Variants in PIK3C2B observed in about 807,000 individuals in gnomAD.
PIK3C2B encodes the protein phosphatidylinositol-4-phosphate 3-kinase catalytic subunit type 2 beta.
Under a neutral mutation model 184.3 loss-of-function variants are expected in PIK3C2B, and 83 were observed. The ratio of observed to expected loss-of-function variants is 0.45; its 90% CI spans 0.38 to 0.54. The LOEUF (loss-of-function observed/expected upper bound fraction) is 0.54, where lower values mean the gene tolerates loss of function less well. Ranked by LOEUF, PIK3C2B falls within the 20% of genes least tolerant of loss-of-function variation. The pLI is 0.00. For missense variants in PIK3C2B, 1,736 were observed against 2,113.5 expected, an observed-to-expected ratio of 0.82 and a Z score of 3.50; for synonymous variants, 779 against 837.6, an observed-to-expected ratio of 0.93 and a Z score of 1.21.
At chr1:204,473,452 A>T (rs1353045469) in intron 1 of PIK3C2B, among the ~76,000 whole-genome samples, 3 of 151,938 alleles carry the variant, frequency 2.0e-5, no homozygotes, top group African/African-American at 7.3e-5. Flanking sequence ...GAGTAGCATA[A>T]GCAGATGGAG....
intron 7 of PIK3C2B, 54 bp downstream of exon 7, chr1:204,460,270 G>A (rs907380190): frequency 1.4e-6 from 2 of 1,392,290 alleles, no homozygotes; most frequent in Admixed American, 1.7e-5. Context: ...ACATCTGATG[G>A]GATCCCTGCA....
chr1:204,469,497 C>T lies in PIK3C2B; in HGVS notation c.306G>A (p.Pro102=), dbSNP rs942009890. Residue 102 remains proline, a synonymous_variant, in exon 2 of 33, where the codon CCG becomes CCA. Transcript: ENST00000684373. ...GCCCTTGGGAGGTAGAGTGGTTGGG[C>T]GGCCCTTCCTGTGGGGAGAGTGAGT... The part of the protein sequence containing the change: ...NYNSLSPQEG[P]PNHSTSQGPQ... The T allele has an allele frequency of 5.6e-6, 9 of 1,607,300 alleles. No individual in the cohort carries two copies. The highest frequency in any genetic ancestry group is 1.1e-5 in the South Asian group (1 of 89,782).
Position 204,464,049 on chromosome 1 carries a change from CA to C in PIK3C2B, c.1272del (p.Phe424LeufsTer3). On this transcript the variant is annotated frameshift_variant, in exon 5 of 33. Transcript: ENST00000684373. LOFTEE classifies it high-confidence loss of function. ...DDLRNVDVGDFVLKPCGLEEF... is the reference protein window; with the variant it reads ...DDLRNVDVGDXVLKPCGLEEF... ...TCCTCCAGCCCGCAGGGCTTTAGCACAAAGTCACCCACGTCCACATTCCTCA... is the reference window on the plus strand; with the variant it reads ...TCCTCCAGCCCGCAGGGCTTTAGCACAAGTCACCCACGTCCACATTCCTCA... 6.2e-7 allele frequency: 1 copy of C among 1,614,200 alleles called. No individual in the cohort carries two copies.
chr1:204,439,394 A>T (rs1236795864), intron 22 of PIK3C2B, among the ~76,000 whole-genome samples: 1 of 152,194 alleles, frequency 6.6e-6, no homozygotes, highest in African/African-American at 2.4e-5. Flanking sequence ...CAGCTTCAAA[A>T]ATTGTCAACA....
intron 2 of PIK3C2B, among the ~76,000 whole-genome samples, chr1:204,468,592 C>T (rs1031124888): frequency 5.9e-5 from 9 of 152,208 alleles, no homozygotes; most frequent in African/African-American, 1.2e-4. Flanking sequence ...AGCAGGCACA[C>T]GCTAGGAACC....
chr1:204,437,325 T>C (rs1675402568), intron 23 of PIK3C2B, among the ~76,000 whole-genome samples: 1 of 152,028 alleles, frequency 6.6e-6, no homozygotes, highest in Admixed American at 6.6e-5. Context: ...TGAAACCCCT[T>C]CTCTACTAAA....
At position 204,432,353 on chromosome 1, in the gene PIK3C2B, G is replaced by T; in HGVS notation, c.4002C>A (p.Phe1334Leu). 5 of 1,614,104 alleles carry T rather than the reference G, an allele frequency of 3.1e-6. No homozygotes were observed. The highest frequency in any genetic ancestry group is 4.2e-6 in the Non-Finnish European group (5 of 1,180,008). Reference sequence around the variant, plus strand: ...ACTTCATCTGAGCCAGATTATGGATGAAAAAATTGAGCTTTGTGGCTACAC... The same window carrying T: ...ACTTCATCTGAGCCAGATTATGGATTAAAAAATTGAGCTTTGTGGCTACAC... ...LGSVATKLNFFIHNLAQMKFT... is the reference protein window; with the variant it reads ...LGSVATKLNFLIHNLAQMKFT... The change falls in exon 27 of 33, where the codon TTC becomes TTA. Residue 1334 changes from phenylalanine to leucine, a missense_variant. This residue lies in a region of PIK3C2B where 119 missense variants were observed against 179.3 expected (regional missense o/e 0.66). Coordinates refer to ENST00000684373, the MANE Select transcript of PIK3C2B (RefSeq NM_001377334.1).
At chr1:204,463,948 C>A in intron 5 of PIK3C2B, 64 bp downstream of exon 5, 1 of 1,559,998 alleles carries the variant, frequency 6.4e-7, no homozygotes, top group South Asian at 1.2e-5. Context: ...GCACCAATCC[C>A]ATGAAGCCCC....
intron 23 of PIK3C2B, among the ~76,000 whole-genome samples, chr1:204,437,742 G>GAA (rs1178966382): frequency 6.6e-6 from 1 of 152,228 alleles, no homozygotes; most frequent in African/African-American, 2.4e-5. Flanking sequence ...TAAATGCACA[G>GAA]AAAGAGTCAC....
Position 204,433,595 on chromosome 1 carries a change from A to G in PIK3C2B, c.3844-170T>C, listed in dbSNP as rs1675187608. Among the ~76,000 whole-genome samples the G allele has an allele frequency of 6.6e-6, 1 of 152,168 alleles. No individual in the cohort carries two copies. The highest frequency in any genetic ancestry group is 2.4e-5 in the African/African-American group (1 of 41,444). On this transcript the variant is annotated intron_variant, in intron 25 of 32. Transcript: ENST00000684373. This position sits in a 1 kb window ranked among gnomAD's most constrained non-coding sequence, Gnocchi z 5.0. ...AGGGCCACAGGAACTGAAGGGCTGG[A>G]GCAGGGAGTCAGGCACCTACACAGA...
chr1:204,434,101 T>C (rs771733702), intron 24 of PIK3C2B, 152 bp from the exon 25 acceptor site: 4 of 659,360 alleles, frequency 6.1e-6, no homozygotes, highest in Non-Finnish European at 1.1e-5. Flanking sequence ...CTTTCCTACC[T>C]TAATCTTAAA....
intron 8 of PIK3C2B, 91 bp downstream of exon 8, chr1:204,459,787 C>A: frequency 9.3e-7 from 1 of 1,078,710 alleles, no homozygotes; most frequent in Non-Finnish European, 1.4e-6. Context: ...CCACCCAGAC[C>A]CCTCATAGTG....
At chr1:204,465,409 T>A in intron 2 of PIK3C2B, 90 bp from the exon 3 acceptor site, 2 of 768,174 alleles carry the variant, frequency 2.6e-6, no homozygotes, top group Non-Finnish European at 4.6e-6. Context: ...AAACTCTAGA[T>A]GAAAAGACTT....
intron 2 of PIK3C2B, among the ~76,000 whole-genome samples, chr1:204,468,401 G>T (rs955885717): frequency 1.4e-4 from 22 of 152,104 alleles, no homozygotes; most frequent in African/African-American, 5.3e-4. Context: ...TCTGGACCAG[G>T]GTCTGGCATT....
At position 204,424,176 on chromosome 1, in the gene PIK3C2B, G is replaced by C. The variant is rs1674626256; in HGVS notation, c.*676C>G. On this transcript the variant is annotated 3_prime_UTR_variant, in exon 33 of 33. Transcript: ENST00000684373. ...AGGTATCACAGCGCTCTCCTTTGGA[G>C]GCAAAATCAGAAAGGCCCAGTGGCA... The C allele has an allele frequency of 6.3e-6, 1 of 159,116 alleles. No homozygotes were observed. Among genetic ancestry groups the C allele is most frequent in the Non-Finnish European group, 1.4e-5 (1 of 71,948 alleles). 9.9% of individuals were successfully genotyped at this position (159,116 alleles called of 1,614,324 possible).
Position 204,438,944 on chromosome 1 carries a change from C to T in PIK3C2B, c.3507G>A (p.Glu1169=), listed in dbSNP as rs1253070695. 4.3e-6 allele frequency: 7 copies of T among 1,613,688 alleles called. No homozygotes were observed. The highest frequency in any genetic ancestry group is 5.1e-6 in the Non-Finnish European group (6 of 1,180,010). ...WLQKHNPGED[E]YEKAVENFIY... is the part of the protein sequence containing the mutation. ...CCACCCACAACCCTACCTTCTCATA[C>T]TCGTCCTCCCCAGGGTTGTGTTTCT... Residue 1169 remains glutamate, a synonymous_variant, in exon 23 of 33, where the codon GAG becomes GAA. Transcript: ENST00000684373.
Position 204,456,892 on chromosome 1 carries a change from ACACACACACACACACC to A in PIK3C2B, c.1747+129_1747+144del, listed in dbSNP as rs1315405605. ...TATAGGAACACACACACACACACACACACACACACACACACCCACACACACACACACACCAGCCGAA... is the reference window on the plus strand; with the variant it reads ...TATAGGAACACACACACACACACACACACACACACACACACACCAGCCGAA... On this transcript the variant is annotated intron_variant, in intron 10 of 32. Coordinates refer to ENST00000684373, the MANE Select transcript of PIK3C2B (RefSeq NM_001377334.1). 77 of 550,230 alleles carry A rather than the reference ACACACACACACACACC, an allele frequency of 1.4e-4. No individual in the cohort carries two copies. The African/African-American group carries it at 1.5e-3, about 11-fold the overall frequency. The allele number at this position is 550,230 out of a possible 1,614,324, so 34.1% of individuals were successfully genotyped here. A position where few individuals can be genotyped will look rare whatever the true frequency, so the allele number is the denominator to read the frequency against.
intron 12 of PIK3C2B, among the ~76,000 whole-genome samples, chr1:204,453,804 G>A (rs1318791532): frequency 6.1e-5 from 9 of 148,442 alleles, no homozygotes; most frequent in East Asian, 2.0e-4. Context: ...ACAGAATTTC[G>A]CTCTTGTTGC....
chr1:204,439,334 T>C (rs1018246893), intron 22 of PIK3C2B, among the ~76,000 whole-genome samples: 1 of 152,190 alleles, frequency 6.6e-6, no homozygotes, highest in Non-Finnish European at 1.5e-5. Flanking sequence ...TTTGAAAATA[T>C]ATATAAGAAT....
Sources: allele counts gnomAD v4.1 joint callset (sites outside exome capture counted in the v4.1 genomes callset), GRCh38; gene constraint gnomAD v4.1.1; regional missense constraint gnomAD v4.1.1; non-coding constraint Gnocchi (gnomAD v3.1); transcripts MANE v1.5; gene names NCBI Gene and HGNC (gene_info 2026-07-23, HGNC 2026-07-21).